CCDC7: variants seen among roughly 807,000 people sequenced by gnomAD.
CCDC7 encodes coiled-coil domain containing 7, also known as coiled-coil domain-containing protein 7.
CCDC7 carries 183 observed loss-of-function variants against 196.9 expected under a neutral mutation model. That is an observed-to-expected ratio of 0.93 (90% CI 0.82 to 1.05). CCDC7 has a LOEUF of 1.05. Ranked by LOEUF, CCDC7 falls within the 50% of genes least tolerant of loss-of-function variation. The pLI, the probability that CCDC7 is intolerant of heterozygous loss-of-function variation, is 0.00. For missense variants in CCDC7, 1,540 were observed against 1,482.2 expected, an observed-to-expected ratio of 1.04 and a Z score of -0.64; for synonymous variants, 525 against 484.6, an observed-to-expected ratio of 1.08 and a Z score of -1.10.
chr10:32,703,683 G>A (rs759003666), intron 24 of CCDC7, among the ~76,000 whole-genome samples: 1 of 151,942 alleles, frequency 6.6e-6, no homozygotes, highest in Non-Finnish European at 1.5e-5. Context: ...TTTTTACATA[G>A]ACCCATATTT....
chr10:32,708,571 A>C (rs1403167161), intron 24 of CCDC7, among the ~76,000 whole-genome samples: 1 of 152,220 alleles, frequency 6.6e-6, no homozygotes, highest in Non-Finnish European at 1.5e-5. Flanking sequence ...CAATCTACCC[A>C]TGTGACAAAG....
At chr10:32,703,796 G>A (rs2079186587) in intron 24 of CCDC7, among the ~76,000 whole-genome samples, 1 of 151,960 alleles carries the variant, frequency 6.6e-6, no homozygotes, top group Admixed American at 6.6e-5. Flanking sequence ...CTTTCTTCCA[G>A]TTGATCGAAT....
chr10:32,877,822 C>G (rs2094642614), downstream of CCDC7, among the ~76,000 whole-genome samples: 1 of 152,086 alleles, frequency 6.6e-6, no homozygotes, highest in African/African-American at 2.4e-5. Context: ...ATCCCCAGAC[C>G]AATTAAACCA....
chr10:32,563,172 A>G (rs537308032), intron 13 of CCDC7, among the ~76,000 whole-genome samples: 5 of 152,228 alleles, frequency 3.3e-5, no homozygotes, highest in African/African-American at 1.2e-4. Flanking sequence ...ATGGAAGAAC[A>G]TTCCATGCTC....
intron 11 of CCDC7, among the ~76,000 whole-genome samples, chr10:32,539,583 C>T (rs987190400): frequency 2.6e-5 from 4 of 151,536 alleles, no homozygotes; most frequent in South Asian, 2.1e-4. Flanking sequence ...GTTTACTCTT[C>T]TTCTTCTAGT....
chr10:32,745,364 G>T (rs1291083749), intron 28 of CCDC7, among the ~76,000 whole-genome samples: 1 of 152,192 alleles, frequency 6.6e-6, no homozygotes, highest in African/African-American at 2.4e-5. Flanking sequence ...TCACAGTTCT[G>T]CAGACTATAC....
intron 13 of CCDC7, among the ~76,000 whole-genome samples, chr10:32,549,022 C>T (rs1201994153): frequency 1.3e-5 from 2 of 152,288 alleles, no homozygotes; most frequent in East Asian, 3.9e-4. Context: ...AGTTTGTGTT[C>T]CCACCAGCAG....
chr10:32,539,820 T>G (rs568569324), intron 11 of CCDC7, among the ~76,000 whole-genome samples: 1 of 152,272 alleles, frequency 6.6e-6, no homozygotes, highest in South Asian at 2.1e-4. Flanking sequence ...AATTGTATGG[T>G]TTTGAGTGAT....
intron 18 of CCDC7, among the ~76,000 whole-genome samples, chr10:32,595,227 C>G (rs1036394266): frequency 6.6e-6 from 1 of 152,094 alleles, no homozygotes; most frequent in African/African-American, 2.4e-5. Flanking sequence ...AATTTCAGAG[C>G]CTGTTATTGG....
intron 18 of CCDC7, among the ~76,000 whole-genome samples, chr10:32,611,759 G>A (rs1370352563): frequency 1.3e-5 from 2 of 152,090 alleles, no homozygotes; most frequent in African/African-American, 4.8e-5. Flanking sequence ...TGAGGCCTGT[G>A]TTCTGCACCA....
At chr10:32,506,338 G>A (rs2947089) in intron 9 of CCDC7, among the ~76,000 whole-genome samples, 37,140 of 149,894 alleles carry the variant, frequency 0.25, 5,033 homozygotes, top group South Asian at 0.43. Context: ...AGATGGGGTG[G>A]TGGCCGGGCA....
At chr10:32,544,875 C>G (rs1343716812) in intron 13 of CCDC7, among the ~76,000 whole-genome samples, 1 of 151,930 alleles carries the variant, frequency 6.6e-6, no homozygotes, top group Non-Finnish European at 1.5e-5. Flanking sequence ...TTTTCTTTTG[C>G]TACATGTTAA....
At chr10:32,660,973 A>G (rs2071256930) in intron 20 of CCDC7, among the ~76,000 whole-genome samples, 1 of 139,782 alleles carries the variant, frequency 7.2e-6, no homozygotes, top group Non-Finnish European at 1.5e-5. Context: ...AAATTGACAA[A>G]TGGGATCTAA....
chr10:32,519,316 C>T (rs1281400705), intron 11 of CCDC7, among the ~76,000 whole-genome samples: 2 of 152,128 alleles, frequency 1.3e-5, no homozygotes, highest in Non-Finnish European at 1.5e-5. Context: ...GAGAATTTTG[C>T]AGCATCCTAA....
At chr10:32,613,497 G>T (rs1014574399) in intron 18 of CCDC7, among the ~76,000 whole-genome samples, 10 of 152,018 alleles carry the variant, frequency 6.6e-5, no homozygotes, top group Non-Finnish European at 1.0e-4. Context: ...TCTTTTAATT[G>T]TGATGTTAGG....
At chr10:32,706,027 C>T (rs1338967753) in intron 24 of CCDC7, among the ~76,000 whole-genome samples, 1 of 152,130 alleles carries the variant, frequency 6.6e-6, no homozygotes, top group Admixed American at 6.5e-5. Context: ...TTCTTCTCAG[C>T]ACCACATCGC....
At chr10:32,821,713 A>T (rs1489707658) in intron 31 of CCDC7, among the ~76,000 whole-genome samples, 2 of 152,168 alleles carry the variant, frequency 1.3e-5, no homozygotes, top group Non-Finnish European at 2.9e-5. Flanking sequence ...TCGCAAGGCC[A>T]AAAAACCAAA....
chr10:32,546,750 A>C (rs189110574), intron 13 of CCDC7, among the ~76,000 whole-genome samples: 2 of 152,362 alleles, frequency 1.3e-5, no homozygotes, highest in Admixed American at 1.3e-4. Context: ...GCATCTGAGC[A>C]TGGCTTAGCT....
At chr10:32,805,743 T>A (rs1024637005) in intron 30 of CCDC7, among the ~76,000 whole-genome samples, 3 of 152,184 alleles carry the variant, frequency 2.0e-5, no homozygotes, top group Non-Finnish European at 4.4e-5. Context: ...GAGGTGGTTG[T>A]TACATGCCCA....
Sources: gnomAD v4.1 joint callset for allele counts (sites outside exome capture counted in the v4.1 genomes callset) on GRCh38, gnomAD v4.1.1 for gene constraint, MANE v1.5 for transcripts, NCBI Gene and HGNC (gene_info 2026-07-23, HGNC 2026-07-21) for gene names.